Variants in ASTN2 observed in about 807,000 individuals in gnomAD.
ASTN2 encodes astrotactin-2.
Under a neutral mutation model 139.8 loss-of-function variants are expected in ASTN2, and 54 were observed. The ratio of observed to expected loss-of-function variants is 0.39; its 90% CI spans 0.31 to 0.48. The LOEUF is 0.48. Ranked by LOEUF, ASTN2 falls within the 20% of genes least tolerant of loss-of-function variation. The probability of loss-of-function intolerance (pLI) is 0.95; values close to 1 mark genes in which losing one functional copy is unlikely to be tolerated. For synonymous variants in ASTN2, 756 were observed against 719.5 expected (o/e 1.05, Z -0.81); for missense variants, 1,565 against 1,725.1 (o/e 0.91, Z 1.64).
At chr9:116,509,462 T>C (rs2119177236) in intron 19 of ASTN2, among the ~76,000 whole-genome samples, 1 of 152,284 alleles carries the variant, frequency 6.6e-6, no homozygotes, top group East Asian at 1.9e-4. Context: ...AGTGCCGCAA[T>C]AAACATATGT....
chr9:116,942,993 C>A (rs1016727900), intron 10 of ASTN2, among the ~76,000 whole-genome samples: 1 of 152,324 alleles, frequency 6.6e-6, no homozygotes, highest in Admixed American at 6.5e-5. Context: ...AATGTCAGCA[C>A]ATTTCCACTG....
At chr9:117,342,566 A>C (rs1315061853) in intron 1 of ASTN2, among the ~76,000 whole-genome samples, 1 of 152,134 alleles carries the variant, frequency 6.6e-6, no homozygotes, top group Non-Finnish European at 1.5e-5. Context: ...TGGTACTGCC[A>C]CTAATAAACT....
chr9:117,278,441 A>G (rs577258785), intron 2 of ASTN2, among the ~76,000 whole-genome samples: 52 of 152,308 alleles, frequency 3.4e-4, no homozygotes, highest in Non-Finnish European at 6.5e-4. Context: ...CAGTGAAAAT[A>G]TTGATTCTAC....
chr9:116,438,003 A>T (rs1847712976), intron 22 of ASTN2, among the ~76,000 whole-genome samples: 4 of 152,198 alleles, frequency 2.6e-5, no homozygotes, highest in African/African-American at 9.6e-5. Context: ...CAAACTCTGC[A>T]CAACTCTGGG....
chr9:117,196,575 C>T (rs923782791), intron 3 of ASTN2, among the ~76,000 whole-genome samples: 9 of 152,094 alleles, frequency 5.9e-5, no homozygotes, highest in African/African-American at 1.7e-4. Flanking sequence ...CTATCACTGT[C>T]GGCCATTGCT....
chr9:116,827,680 CA>C (rs1451348360), intron 11 of ASTN2, among the ~76,000 whole-genome samples: 3 of 151,914 alleles, frequency 2.0e-5, no homozygotes, highest in African/African-American at 7.3e-5. Flanking sequence ...GAGATTGAAC[CA>C]GGAAGAAACA....
At chr9:117,046,065 A>T (rs1320390044) in intron 5 of ASTN2, among the ~76,000 whole-genome samples, 1 of 151,842 alleles carries the variant, frequency 6.6e-6, no homozygotes, top group Non-Finnish European at 1.5e-5. Flanking sequence ...CAGTGGTGTG[A>T]TCTTGGCTCA....
chr9:116,805,989 T>G (rs760622714), intron 12 of ASTN2, among the ~76,000 whole-genome samples, 169 bp from the exon 13 acceptor site: 5 of 152,200 alleles, frequency 3.3e-5, no homozygotes, highest in Non-Finnish European at 5.9e-5. Context: ...GAGAAGCACA[T>G]TAATACTGCA....
At position 116,803,504 on chromosome 9, in the gene ASTN2, ATATATATATATATATATATTTTTTT is replaced by A. The variant is rs1159756667; in HGVS notation, c.2396+2103_2396+2127del. Among the ~76,000 whole-genome samples the A allele has an allele frequency of 0.018, 128 of 6,942 alleles. 7 individuals are homozygous for A. In the East Asian group the frequency reaches 0.38, roughly 20 times the overall value. The allele number at this position is 6,942 out of a possible 152,430, so 4.6% of individuals were successfully genotyped here. ...ATAATATATATATATATATATATAT[ATATATATATATATATATATTTTTTT>A]TTTTTTTTTTTTTTAGACGGAGTCT... On this transcript the variant is annotated intron_variant, in intron 13 of 22. Transcript: ENST00000313400.
intron 4 of ASTN2, among the ~76,000 whole-genome samples, chr9:117,139,273 A>G (rs1280474454): frequency 6.6e-6 from 1 of 152,222 alleles, no homozygotes; most frequent in East Asian, 1.9e-4. Flanking sequence ...GGTGGTCTAC[A>G]TTCAGCCTTT....
At chr9:117,144,514 G>T (rs1830145790) in intron 3 of ASTN2, among the ~76,000 whole-genome samples, 1 of 151,990 alleles carries the variant, frequency 6.6e-6, no homozygotes, top group African/African-American at 2.4e-5. Flanking sequence ...AATTTCTTTT[G>T]CTCAGAAGGT....
At chr9:117,116,956 G>A (rs1418036636) in intron 4 of ASTN2, among the ~76,000 whole-genome samples, 1 of 151,474 alleles carries the variant, frequency 6.6e-6, no homozygotes, top group Non-Finnish European at 1.5e-5. Flanking sequence ...TTATGCTTGG[G>A]AGATGACAGT....
At chr9:116,511,854 C>A (rs1379161917) in intron 19 of ASTN2, among the ~76,000 whole-genome samples, 4 of 152,052 alleles carry the variant, frequency 2.6e-5, no homozygotes, top group Admixed American at 2.0e-4. Flanking sequence ...GTGATATCTC[C>A]TTTATCATTT....
chr9:116,700,806 A>C (rs1481004443), intron 16 of ASTN2: 1 of 166,920 alleles, frequency 6.0e-6, no homozygotes, highest in African/African-American at 2.4e-5. Context: ...GATAAGAGGG[A>C]TAACCTGCGC....
chr9:116,755,257 C>T (rs556469102), intron 13 of ASTN2, among the ~76,000 whole-genome samples: 5 of 152,228 alleles, frequency 3.3e-5, no homozygotes, highest in Middle Eastern at 3.4e-3. Flanking sequence ...AATTATACCC[C>T]CTCCCCTGCA....
At chr9:116,846,634 A>G (rs1159271441) in intron 11 of ASTN2, among the ~76,000 whole-genome samples, 4 of 152,192 alleles carry the variant, frequency 2.6e-5, no homozygotes, top group African/African-American at 9.6e-5. Context: ...GTCCCACGTA[A>G]TTAGGGGACA....
intron 1 of ASTN2, among the ~76,000 whole-genome samples, chr9:117,394,766 T>A (rs1267543741): frequency 6.6e-6 from 1 of 152,080 alleles, no homozygotes; most frequent in East Asian, 1.9e-4. Flanking sequence ...AAAGGAACTG[T>A]GAGAGAGACA....
At chr9:116,757,739 G>A (rs956610710) in intron 13 of ASTN2, among the ~76,000 whole-genome samples, 2 of 152,018 alleles carry the variant, frequency 1.3e-5, no homozygotes, top group East Asian at 3.9e-4. Flanking sequence ...TGTCTCCCCC[G>A]CACATAGGAC....
chr9:116,506,081 C>T (rs1425368470), intron 19 of ASTN2, among the ~76,000 whole-genome samples: 1 of 152,214 alleles, frequency 6.6e-6, no homozygotes, highest in East Asian at 1.9e-4. Context: ...TCCCAACCCT[C>T]TGTACCGGGA....
Sources: gnomAD v4.1 joint callset for allele counts (sites outside exome capture counted in the v4.1 genomes callset) on GRCh38, gnomAD v4.1.1 for gene constraint, MANE v1.5 for transcripts, NCBI Gene and HGNC (gene_info 2026-07-23, HGNC 2026-07-21) for gene names.